Variants in SMARCA5 observed in about 807,000 individuals in gnomAD.
SMARCA5 encodes the protein SWI/SNF-related matrix-associated actin-dependent regulator of chromatin subfamily A member 5.
Under a neutral mutation model 140.4 loss-of-function variants are expected in SMARCA5, and 18 were observed. That is an observed-to-expected ratio of 0.13 (90% confidence interval 0.09 to 0.19). The LOEUF (loss-of-function observed/expected upper bound fraction) is 0.19. Among genes scored for constraint, SMARCA5 ranks in the 10% least tolerant of loss-of-function variants. The pLI is 1.00. For synonymous variants in SMARCA5, 449 were observed against 419.6 expected, an observed-to-expected ratio of 1.07 and a Z score of -0.86; for missense variants, 606 against 1,276.8, an observed-to-expected ratio of 0.47 and a Z score of 8.01.
intron 18 of SMARCA5, among the ~76,000 whole-genome samples, 160 bp from the exon 19 acceptor site, chr4:143,545,765 G>T (rs1737512572): frequency 1.3e-5 from 2 of 152,076 alleles, no homozygotes; most frequent in Non-Finnish European, 2.9e-5. Flanking sequence ...GAAAAAATAA[G>T]ACTTCATGAC....
intron 2 of SMARCA5, among the ~76,000 whole-genome samples, chr4:143,520,918 G>C (rs1736944489): frequency 6.6e-6 from 1 of 152,072 alleles, no homozygotes; most frequent in South Asian, 2.1e-4. Flanking sequence ...TTTAAAATTT[G>C]TCACAGCCTA....
intron 6 of SMARCA5, 104 bp from the exon 7 acceptor site, chr4:143,527,764 T>A (rs901948015): frequency 2.0e-6 from 2 of 983,232 alleles, no homozygotes; most frequent in Non-Finnish European, 1.5e-6. Flanking sequence ...CTCTACTCCT[T>A]TTTAGTATTC....
rs146436884 is a variant in SMARCA5 at position 143,528,067 on chromosome 4, G to A, written c.957+44G>A. 2.4e-3 allele frequency: 3,412 copies of A among 1,439,994 alleles called. 78 individuals are homozygous for A. The African/African-American group carries it at 0.041, about 17-fold the overall frequency. 89.2% of individuals were successfully genotyped at this position (1,439,994 alleles called of 1,614,324 possible). A position where few individuals can be genotyped will look rare whatever the true frequency, so the allele number is the denominator to read the frequency against. On this transcript the variant is annotated intron_variant, in intron 7 of 23. Coordinates refer to ENST00000283131, the MANE Select transcript of SMARCA5 (RefSeq NM_003601.4). ...GTGAAAAGCCTTCATGTAAGAATTT[G>A]ATTAAAGTACAGATTTTTTTTTCTT... is the stretch of plus-strand genomic sequence containing the variant.
Position 143,517,449 on chromosome 4 carries a change from A to T in SMARCA5, c.252+20A>T. 6.6e-7 allele frequency: 1 copy of T among 1,511,190 alleles called. No individual in the cohort carries two copies. Among genetic ancestry groups the T allele is most frequent in the Non-Finnish European group, 9.0e-7 (1 of 1,107,316 alleles). 93.6% of individuals were successfully genotyped at this position (1,511,190 alleles called of 1,614,324 possible). On this transcript the variant is annotated intron_variant, in intron 2 of 23. Transcript: ENST00000283131. Reference sequence around the variant, plus strand: ...AAAATGGTATGTTCTAGGCTTGTGAATAGAGTCTATAAGGAAAACTTTTTA... The same window carrying T: ...AAAATGGTATGTTCTAGGCTTGTGATTAGAGTCTATAAGGAAAACTTTTTA...
At chr4:143,521,337 TGA>T in intron 2 of SMARCA5, 90 bp from the exon 3 acceptor site, 1 of 756,216 alleles carries the variant, frequency 1.3e-6, no homozygotes, top group Non-Finnish European at 2.1e-6. Context: ...TTTTTTTTGC[TGA>T]GTTCATTGTA....
chr4:143,531,110 A>G (rs1737174886), intron 9 of SMARCA5, among the ~76,000 whole-genome samples: 2 of 152,170 alleles, frequency 1.3e-5, no homozygotes, highest in Non-Finnish European at 2.9e-5. Context: ...ATGAGCCACC[A>G]CGCCCGGCCT....
Position 143,524,493 on chromosome 4 carries a change from T to A in SMARCA5, c.520+26T>A, listed in dbSNP as rs559218002. On this transcript the variant is annotated intron_variant, in intron 4 of 23. Coordinates refer to ENST00000283131, the MANE Select transcript of SMARCA5 (RefSeq NM_003601.4). ...GTATGTTAAACACACTTGATTTTTT[T>A]AAAAAATTGCCCTTTGAGATCTCCT... 61 of 1,487,756 alleles carry A rather than the reference T, an allele frequency of 4.1e-5. No individual in the cohort carries two copies. In the Middle Eastern group the frequency reaches 1.0e-3, roughly 25 times the overall value. The allele number at this position is 1,487,756 out of a possible 1,614,324, so 92.2% of individuals were successfully genotyped here.
At chr4:143,525,067 A>G (rs1453789123) in intron 4 of SMARCA5, among the ~76,000 whole-genome samples, 3 of 151,306 alleles carry the variant, frequency 2.0e-5, no homozygotes, top group Non-Finnish European at 2.9e-5. Flanking sequence ...TTTTTACTAG[A>G]AAGAAAATAA....
chr4:143,530,603 C>A, intron 9 of SMARCA5, 77 bp downstream of exon 9: 2 of 980,110 alleles, frequency 2.0e-6, no homozygotes, highest in African/African-American at 1.6e-5. Flanking sequence ...AGATTATTTT[C>A]CTGTTAATAA....
rs1203412659 is a variant in SMARCA5 at position 143,544,628 on chromosome 4, T to TAA, written c.2173-108_2173-107insAA. ...ATAGTCTCCACCCTCATAGAGCTTA[T>TAA]AGCCCAGGATTTTGTGAATATCTTT... On this transcript the variant is annotated intron_variant, in intron 16 of 23. Coordinates refer to ENST00000283131, the MANE Select transcript of SMARCA5 (RefSeq NM_003601.4). 4.6e-6 allele frequency: 3 copies of TAA among 657,020 alleles called. No individual in the cohort carries two copies. The East Asian group carries it at 7.9e-5, about 17-fold the overall frequency. The allele number at this position is 657,020 out of a possible 1,614,324, so 40.7% of individuals were successfully genotyped here. A position where few individuals can be genotyped will look rare whatever the true frequency, so the allele number is the denominator to read the frequency against.
At chr4:143,537,805 T>C (rs1406812814) in intron 11 of SMARCA5, among the ~76,000 whole-genome samples, 1 of 151,050 alleles carries the variant, frequency 6.6e-6, no homozygotes, top group African/African-American at 2.4e-5. Context: ...GTAGTCCCAG[T>C]TATTTGGAAG....
At position 143,526,139 on chromosome 4, in the gene SMARCA5, T is replaced by G. The variant is rs1737067942; in HGVS notation, c.622-142T>G. 9 of 674,930 alleles carry G rather than the reference T, an allele frequency of 1.3e-5. No homozygotes were observed. The South Asian group carries it at 1.6e-4, about 12-fold the overall frequency. The allele number at this position is 674,930 out of a possible 1,614,324, so 41.8% of individuals were successfully genotyped here. ...TATATGACATAACACTTACAAACTT[T>G]GATATATGTTAAGTTTTTGCCATTT... On this transcript the variant is annotated intron_variant, in intron 5 of 23. Coordinates refer to ENST00000283131, the MANE Select transcript of SMARCA5 (RefSeq NM_003601.4).
intron 1 of SMARCA5, among the ~76,000 whole-genome samples, chr4:143,515,651 G>C (rs536782659): frequency 5.5e-4 from 83 of 152,262 alleles, no homozygotes; most frequent in Non-Finnish European, 1.0e-3. Context: ...TTGACTTGAA[G>C]TTGCTATTTT....
intron 2 of SMARCA5, among the ~76,000 whole-genome samples, chr4:143,518,025 G>A (rs1736877141): frequency 6.6e-6 from 1 of 152,024 alleles, no homozygotes; most frequent in Non-Finnish European, 1.5e-5. Context: ...ATTTAACCTT[G>A]GAAGCGAGGT....
intron 9 of SMARCA5, among the ~76,000 whole-genome samples, chr4:143,532,595 A>AG (rs1737212598): frequency 6.6e-6 from 1 of 152,186 alleles, no homozygotes; most frequent in African/African-American, 2.4e-5. Context: ...AGGGTTTAGA[A>AG]GTCGGTATGG....
At position 143,545,922 on chromosome 4, in the gene SMARCA5, T is replaced by C. The variant is rs1222134761; in HGVS notation, c.2398-3T>C. 3 of 1,597,616 alleles carry C rather than the reference T, an allele frequency of 1.9e-6. No homozygotes were observed. The highest frequency in any genetic ancestry group is 2.6e-6 in the Non-Finnish European group (3 of 1,175,394). On this transcript the variant is annotated splice_polypyrimidine_tract_variant and splice_region_variant and intron_variant, in intron 18 of 23. Transcript: ENST00000283131. ...TTTGATGGCATAGAAAAATATCTTTTAGGTACCTCGAAATCCTGAGCTGCC... is the reference window on the plus strand; with the variant it reads ...TTTGATGGCATAGAAAAATATCTTTCAGGTACCTCGAAATCCTGAGCTGCC...
chr4:143,550,898 A>C (rs1422002061), intron 23 of SMARCA5, among the ~76,000 whole-genome samples: 4 of 152,138 alleles, frequency 2.6e-5, no homozygotes, highest in Admixed American at 2.6e-4. Context: ...ATGGGAGTGC[A>C]CATATCTCTT....
In SMARCA5 at chr4:143,513,724, C is replaced by A. The variant is rs969026988; in HGVS notation, c.-201C>A. ...AGCGCCGGTGGAACCTAGAGCCCCG[C>A]GGAAGAGCAGAACGTTTGGGAGTGT... is the stretch of plus-strand genomic sequence containing the variant. On this transcript the variant is annotated 5_prime_UTR_variant, in exon 1 of 24. Coordinates refer to ENST00000283131, the MANE Select transcript of SMARCA5 (RefSeq NM_003601.4). 1.7e-6 allele frequency: 1 copy of A among 599,052 alleles called. No individual in the cohort carries two copies. Among genetic ancestry groups the A allele is most frequent in the African/African-American group, 2.0e-5 (1 of 50,542 alleles). 37.1% of individuals were successfully genotyped at this position (599,052 alleles called of 1,614,324 possible). A position where few individuals can be genotyped will look rare whatever the true frequency, so the allele number is the denominator to read the frequency against.
chr4:143,538,483 G>A, intron 11 of SMARCA5, 107 bp from the exon 12 acceptor site: 3 of 835,116 alleles, frequency 3.6e-6, no homozygotes, highest in East Asian at 2.5e-5. Flanking sequence ...TTGTAACCAA[G>A]TAGGTAGCTT....
Sources: gnomAD v4.1 joint callset for allele counts (sites outside exome capture counted in the v4.1 genomes callset) on GRCh38, gnomAD v4.1.1 for gene constraint, MANE v1.5 for transcripts, NCBI Gene and HGNC (gene_info 2026-07-23, HGNC 2026-07-21) for gene names.